GLIS3: variants seen among roughly 807,000 people sequenced by gnomAD.
The protein encoded by GLIS3 is GLIS family zinc finger 3.
In GLIS3, 53 loss-of-function variants were observed where a neutral mutation model predicts 78.6. That is an observed-to-expected ratio of 0.67 (90% CI 0.54 to 0.85). The LOEUF (loss-of-function observed/expected upper bound fraction) is 0.85. GLIS3 is among the 40% of genes least tolerant of loss of function. The probability of loss-of-function intolerance (pLI) is 0.00; values close to 1 mark genes in which losing one functional copy is unlikely to be tolerated. For synonymous variants in GLIS3, 684 were observed against 509.9 expected (o/e 1.34, Z -4.60); for missense variants, 1,703 against 1,231.1 (o/e 1.38, Z -5.74).
At position 4,194,900 on chromosome 9, in the gene GLIS3, A is replaced by C. The variant is rs57053708; in HGVS notation, c.389-68959T>G. Among the ~76,000 whole-genome samples the C allele has an allele frequency of 2.6e-5, 4 of 152,360 alleles. No individual in the cohort carries two copies. The East Asian group carries it at 7.7e-4, about 29-fold the overall frequency. On this transcript the variant is annotated intron_variant, in intron 2 of 10. Transcript: ENST00000381971. ...ATGTTTTCCCAGACCCAGGACCAAG[A>C]GCAGGAGGCCATTTTTAATCCAACT... is the stretch of plus-strand genomic sequence containing the variant.
At chr9:4,049,433 A>G (rs1423739074) in intron 4 of GLIS3, among the ~76,000 whole-genome samples, 1 of 152,192 alleles carries the variant, frequency 6.6e-6, no homozygotes, top group Non-Finnish European at 1.5e-5. Context: ...GCCCATTCCA[A>G]TTGGTCAGTG....
At chr9:4,440,099 T>A in the GLIS3 span, among the ~76,000 whole-genome samples, 1 of 152,252 alleles carries the variant, frequency 6.6e-6, no homozygotes, top group Non-Finnish European at 1.5e-5. Context: ...CAACCTCTTG[T>A]CAGACGTGTA....
At chr9:4,149,791 A>G (rs758595696) in intron 2 of GLIS3, among the ~76,000 whole-genome samples, 6 of 152,170 alleles carry the variant, frequency 3.9e-5, no homozygotes, top group Non-Finnish European at 7.4e-5. Flanking sequence ...GAATCACAGC[A>G]CAAAATAATG....
At chr9:3,870,981 T>C (rs904517076) in intron 8 of GLIS3, among the ~76,000 whole-genome samples, 1 of 152,238 alleles carries the variant, frequency 6.6e-6, no homozygotes, top group African/African-American at 2.4e-5. Flanking sequence ...AGCAAGCTAC[T>C]TATTTCCCAG....
intron 8 of GLIS3, among the ~76,000 whole-genome samples, chr9:3,858,415 A>G (rs962121003): frequency 2.6e-5 from 4 of 152,224 alleles, no homozygotes; most frequent in Middle Eastern, 3.2e-3. Context: ...CAGTATAATA[A>G]TATCATTGAA....
chr9:4,352,404 G>A (rs1306148109), upstream of GLIS3, among the ~76,000 whole-genome samples: 1 of 152,198 alleles, frequency 6.6e-6, no homozygotes, highest in Non-Finnish European at 1.5e-5. Flanking sequence ...AATTCACCTT[G>A]GGTCCTTTTG....
At chr9:4,253,594 G>GC (rs1191163875) in intron 2 of GLIS3, among the ~76,000 whole-genome samples, 1 of 152,180 alleles carries the variant, frequency 6.6e-6, no homozygotes, top group Non-Finnish European at 1.5e-5. Context: ...CCTGGCTTCA[G>GC]CCCCCTTTCC....
upstream of GLIS3, among the ~76,000 whole-genome samples, chr9:4,304,431 T>C (rs1048974987): frequency 1.6e-4 from 24 of 152,312 alleles, no homozygotes; most frequent in African/African-American, 4.8e-4. Context: ...CTTTATGCAA[T>C]GCTTAGAATA....
chr9:4,186,465 G>A lies in GLIS3; in HGVS notation c.389-60524C>T, dbSNP rs546545689. Among the ~76,000 whole-genome samples, 422 of 151,954 alleles carry A rather than the reference G, an allele frequency of 2.8e-3. 3 individuals carry two copies. The highest frequency in any genetic ancestry group is 9.5e-3 in the African/African-American group (393 of 41,392). ...ATAGTGCCACAATAAACATATGTGT[G>A]CATGTGTCTTTATAGCAGCATGATT... On this transcript the variant is annotated intron_variant, in intron 2 of 10. Transcript: ENST00000381971.
the GLIS3 span, among the ~76,000 whole-genome samples, chr9:4,357,524 G>A: frequency 4.0e-5 from 6 of 151,476 alleles, no homozygotes; most frequent in Non-Finnish European, 7.4e-5. Context: ...TGTAGATCTC[G>A]GGACTTTTCA....
At chr9:4,063,814 C>T (rs1039486549) in intron 4 of GLIS3, among the ~76,000 whole-genome samples, 6 of 152,140 alleles carry the variant, frequency 3.9e-5, no homozygotes, top group African/African-American at 1.4e-4. Flanking sequence ...AACCTCTACA[C>T]ACTACCAACT....
the GLIS3 span, among the ~76,000 whole-genome samples, chr9:4,383,293 A>C: frequency 6.6e-6 from 1 of 152,206 alleles, no homozygotes; most frequent in African/African-American, 2.4e-5. Flanking sequence ...TGCATTTTTT[A>C]TTCACCTTTT....
intron 4 of GLIS3, among the ~76,000 whole-genome samples, chr9:4,040,193 T>C (rs630470): frequency 0.33 from 49,379 of 151,624 alleles, 9,006 homozygotes; most frequent in East Asian, 0.58. Flanking sequence ...AATGGGGACA[T>C]GTAAATCACA....
At chr9:4,079,968 T>G (rs1173374265) in intron 4 of GLIS3, among the ~76,000 whole-genome samples, 1 of 152,208 alleles carries the variant, frequency 6.6e-6, no homozygotes, top group Non-Finnish European at 1.5e-5. Context: ...AAGGATACTC[T>G]GAATACTCTC....
intron 9 of GLIS3, among the ~76,000 whole-genome samples, chr9:3,849,284 C>G (rs1448408433): frequency 1.3e-5 from 2 of 152,188 alleles, no homozygotes; most frequent in Non-Finnish European, 2.9e-5. Flanking sequence ...AGAAAACCAT[C>G]CTAGAGTGTT....
intron 7 of GLIS3, among the ~76,000 whole-genome samples, chr9:3,885,396 T>C (rs530331346): frequency 3.3e-5 from 5 of 152,330 alleles, no homozygotes; most frequent in African/African-American, 1.2e-4. Context: ...TCATTCATGG[T>C]TGCATTATGG....
At chr9:4,294,204 G>C (rs897710666) in intron 1 of GLIS3, among the ~76,000 whole-genome samples, 1 of 152,150 alleles carries the variant, frequency 6.6e-6, no homozygotes, top group Non-Finnish European at 1.5e-5. Context: ...ACTGTGCATA[G>C]TTCATAATAT....
chr9:3,958,851 G>A (rs189491842), intron 4 of GLIS3, among the ~76,000 whole-genome samples: 1 of 152,292 alleles, frequency 6.6e-6, no homozygotes, highest in African/African-American at 2.4e-5. Context: ...AAATAATACT[G>A]GCTAAAGCCC....
At chr9:4,003,730 C>G (rs1364426153) in intron 4 of GLIS3, among the ~76,000 whole-genome samples, 1 of 152,152 alleles carries the variant, frequency 6.6e-6, no homozygotes, top group Admixed American at 6.5e-5. Flanking sequence ...CTGGAGAATC[C>G]ACATAATAAA....
Sources: gnomAD v4.1 joint callset for allele counts (sites outside exome capture counted in the v4.1 genomes callset) on GRCh38, gnomAD v4.1.1 for gene constraint, MANE v1.5 for transcripts, NCBI Gene and HGNC (gene_info 2026-07-23, HGNC 2026-07-21) for gene names.